Variants in ANKRD36C observed in about 807,000 individuals in gnomAD.
The protein encoded by ANKRD36C is ankyrin repeat domain 36C.
ANKRD36C carries 61 observed loss-of-function variants against 276.4 expected under a neutral mutation model. That is an observed-to-expected ratio of 0.22 (90% CI 0.18 to 0.27). The LOEUF is 0.27. ANKRD36C is among the 10% of genes least tolerant of loss of function. ANKRD36C has a pLI of 1.00. For missense variants in ANKRD36C, 1,447 were observed against 2,032.3 expected, an observed-to-expected ratio of 0.71 and a Z score of 5.54; for synonymous variants, 483 against 680.1, an observed-to-expected ratio of 0.71 and a Z score of 4.51.
intron 42 of ANKRD36C, chr2:95,906,644 T>C (rs1349123800): frequency 8.7e-6 from 1 of 115,236 alleles, no homozygotes; most frequent in South Asian, 4.0e-5. Context: ...TCCTAGATGT[T>C]TCTCCATCCT....
At chr2:95,957,630 C>T (rs1176108918) in intron 12 of ANKRD36C, among the ~76,000 whole-genome samples, 2 of 152,146 alleles carry the variant, frequency 1.3e-5, no homozygotes, top group Non-Finnish European at 2.9e-5. Context: ...GATATACTTA[C>T]ACAAAATAAA....
chr2:95,883,605 C>T (rs1418625236), intron 54 of ANKRD36C, among the ~76,000 whole-genome samples: 1 of 152,054 alleles, frequency 6.6e-6, no homozygotes, highest in Non-Finnish European at 1.5e-5. Context: ...AAAATCAAAT[C>T]TTCTTTTAGG....
At chr2:95,894,549 G>T (rs1405488674) in intron 44 of ANKRD36C, among the ~76,000 whole-genome samples, 1 of 151,254 alleles carries the variant, frequency 6.6e-6, no homozygotes, top group Non-Finnish European at 1.5e-5. Context: ...TAATTAGAAT[G>T]CAACATAATT....
chr2:95,862,330 T>C (rs1018680828), intron 60 of ANKRD36C, among the ~76,000 whole-genome samples: 4 of 152,118 alleles, frequency 2.6e-5, no homozygotes, highest in East Asian at 1.9e-4. Flanking sequence ...ATACAAAGTA[T>C]GTGCCCTGAC....
intron 60 of ANKRD36C, among the ~76,000 whole-genome samples, chr2:95,862,746 T>G (rs368900828): frequency 5.9e-5 from 9 of 151,986 alleles, no homozygotes; most frequent in Admixed American, 5.9e-4. Context: ...GTGACGGTAT[T>G]AGGAGGGGGG....
downstream of ANKRD36C, among the ~76,000 whole-genome samples, chr2:95,849,411 T>C (rs1056639939): frequency 6.6e-6 from 1 of 152,204 alleles, no homozygotes; most frequent in Non-Finnish European, 1.5e-5. Context: ...TAGATTTTAC[T>C]CATTAGTAGA....
exon 61 of ANKRD36C, chr2:95,860,048 T>G: frequency 6.5e-7 from 1 of 1,541,526 alleles, no homozygotes; most frequent in East Asian, 2.5e-5. Context: ...CAAAATGTCT[T>G]TTTAATTTTC....
intron 26 of ANKRD36C, among the ~76,000 whole-genome samples, 198 bp downstream of exon 26, chr2:95,928,874 T>C (rs1677484612): frequency 6.6e-6 from 1 of 151,500 alleles, no homozygotes; most frequent in African/African-American, 2.4e-5. Flanking sequence ...TGTAGGGAAG[T>C]CTACAATCTT....
intron 6 of ANKRD36C, among the ~76,000 whole-genome samples, chr2:95,965,655 C>T (rs1403780729): frequency 6.6e-6 from 1 of 152,060 alleles, no homozygotes; most frequent in African/African-American, 2.4e-5. Context: ...GGTATGTCAC[C>T]ATATTTATGT....
intron 28 of ANKRD36C, among the ~76,000 whole-genome samples, chr2:95,926,755 C>T (rs1380830835): frequency 6.6e-6 from 1 of 151,596 alleles, no homozygotes; most frequent in East Asian, 1.9e-4. Flanking sequence ...CTCCTTCCTG[C>T]CTGACAATCC....
chr2:95,897,588 T>C, intron 44 of ANKRD36C, 123 bp from the exon 59 acceptor site: 1 of 1,216,506 alleles, frequency 8.2e-7, no homozygotes, highest in African/African-American at 1.5e-5. Context: ...TTTGATGGCT[T>C]CTACTTTGTG....
intron 62 of ANKRD36C, 99 bp from the exon 83 acceptor site, chr2:95,856,279 G>A: frequency 3.2e-6 from 5 of 1,569,400 alleles, no homozygotes; most frequent in South Asian, 1.2e-5. Flanking sequence ...TATACAATGA[G>A]AGGTTGCCAT....
intron 19 of ANKRD36C, among the ~76,000 whole-genome samples, chr2:95,943,504 G>A (rs1342353932): frequency 1.3e-5 from 2 of 150,106 alleles, no homozygotes; most frequent in Non-Finnish European, 3.0e-5. Flanking sequence ...AAATTAACCA[G>A]AAATTTTAAT....
intron 48 of ANKRD36C, 74 bp downstream of exon 68, chr2:95,889,725 G>C: frequency 6.6e-7 from 1 of 1,507,756 alleles, no homozygotes; most frequent in South Asian, 1.2e-5. Flanking sequence ...CGAACCCCCC[G>C]CTGCTTTATT....
chr2:95,874,433 A>T (rs1346201977), intron 59 of ANKRD36C, among the ~76,000 whole-genome samples: 1 of 152,238 alleles, frequency 6.6e-6, no homozygotes, highest in Non-Finnish European at 1.5e-5. Context: ...CGGGGAAAGG[A>T]TTCCCTATTT....
intron 6 of ANKRD36C, among the ~76,000 whole-genome samples, chr2:95,970,673 A>G (rs544636343): frequency 2.6e-4 from 39 of 152,190 alleles, no homozygotes; most frequent in Non-Finnish European, 4.4e-4. Context: ...GTCATGTTAT[A>G]ATAATATAGA....
At chr2:95,862,395 A>G (rs922829765) in intron 60 of ANKRD36C, among the ~76,000 whole-genome samples, 8 of 152,096 alleles carry the variant, frequency 5.3e-5, no homozygotes, top group Non-Finnish European at 8.8e-5. Flanking sequence ...CAAATACACA[A>G]ATATTTGGAA....
chr2:95,962,909 C>T (rs1438062033), intron 6 of ANKRD36C, among the ~76,000 whole-genome samples: 2 of 152,000 alleles, frequency 1.3e-5, no homozygotes, highest in Admixed American at 6.6e-5. Flanking sequence ...GTGGTACATG[C>T]TGTCACATGT....
chr2:95,890,963 A>G (rs1676336211), intron 46 of ANKRD36C, among the ~76,000 whole-genome samples: 1 of 151,508 alleles, frequency 6.6e-6, no homozygotes, highest in African/African-American at 2.4e-5. Flanking sequence ...CATTTTTATA[A>G]CTACAATCAA....
Sources: allele counts gnomAD v4.1 joint callset (sites outside exome capture counted in the v4.1 genomes callset), GRCh38; gene constraint gnomAD v4.1.1; transcripts MANE v1.5; gene names NCBI Gene and HGNC (gene_info 2026-07-23, HGNC 2026-07-21).